The following ETF1 variants were observed in gnomAD, a reference collection of about 807,000 sequenced individuals.
ETF1 encodes eukaryotic peptide chain release factor subunit 1.
A neutral mutation model predicts 55.1 loss-of-function variants in ETF1; 4 were observed. The observed-to-expected ratio is 0.07, with a 90% CI of 0.04 to 0.17. The LOEUF (loss-of-function observed/expected upper bound fraction) is 0.17. Ranked by LOEUF, ETF1 falls within the 10% of genes least tolerant of loss-of-function variation. The pLI is 1.00. For missense variants in ETF1, 142 were observed against 523.6 expected, an observed-to-expected ratio of 0.27 and a Z score of 7.11; for synonymous variants, 157 against 182.3, an observed-to-expected ratio of 0.86 and a Z score of 1.12.
chr5:138,511,001 C>G, intron 8 of ETF1, 44 bp downstream of exon 8: 1 of 1,596,476 alleles, frequency 6.3e-7, no homozygotes, highest in Non-Finnish European at 8.5e-7. Flanking sequence ...CCCAGGCTTC[C>G]TGGCTCAGTA....
intron 5 of ETF1, chr5:138,513,245 T>C (rs1473369925): frequency 1.0e-6 from 1 of 980,060 alleles, no homozygotes; most frequent in East Asian, 1.1e-4. Flanking sequence ...CTCTCTCTCT[T>C]TTTTGAGACA....
intron 9 of ETF1, 31 bp from the exon 10 acceptor site, chr5:138,508,847 G>A (rs892922347): frequency 4.4e-6 from 7 of 1,607,468 alleles, no homozygotes; most frequent in South Asian, 1.1e-5. Flanking sequence ...TACAAAAATG[G>A]GGGATTAGGA....
At position 138,511,462 on chromosome 5, in the gene ETF1, A is replaced by G; in HGVS notation, c.862+13T>C. 6.2e-7 allele frequency: 1 copy of G among 1,612,972 alleles called. No individual in the cohort carries two copies. The highest frequency in any genetic ancestry group is 1.1e-5 in the South Asian group (1 of 90,980). On this transcript the variant is annotated intron_variant, in intron 7 of 10. Coordinates refer to ENST00000360541, the MANE Select transcript of ETF1 (RefSeq NM_004730.4). ...AACATTTCACAGAATAAGTAGTTGC[A>G]TTTCACCGATACCTATTAATTTCTT...
chr5:138,525,210 T>G (rs909111096), intron 2 of ETF1, among the ~76,000 whole-genome samples: 7 of 151,398 alleles, frequency 4.6e-5, no homozygotes, highest in African/African-American at 1.7e-4. Flanking sequence ...CGGGCTGGAG[T>G]GCAGTGGGGC....
intron 2 of ETF1, among the ~76,000 whole-genome samples, chr5:138,525,359 T>A (rs1053938390): frequency 4.0e-5 from 6 of 151,882 alleles, no homozygotes; most frequent in African/African-American, 1.5e-4. Context: ...GGTTTCACTA[T>A]GTTGGCCAGG....
At chr5:138,527,639 G>A (rs1765529053) in intron 2 of ETF1, among the ~76,000 whole-genome samples, 1 of 152,178 alleles carries the variant, frequency 6.6e-6, no homozygotes, top group African/African-American at 2.4e-5. Flanking sequence ...TGACACAGGG[G>A]TCCACTCATG....
intron 4 of ETF1, among the ~76,000 whole-genome samples, chr5:138,515,685 A>G (rs1764988211): frequency 1.3e-5 from 2 of 152,228 alleles, no homozygotes; most frequent in Non-Finnish European, 2.9e-5. Flanking sequence ...AAAGCCAACA[A>G]GGCTAACTCA....
chr5:138,528,915 G>C (rs971362963), intron 2 of ETF1, among the ~76,000 whole-genome samples: 1 of 152,074 alleles, frequency 6.6e-6, no homozygotes, highest in East Asian at 1.9e-4. Flanking sequence ...GGGAAGCCGA[G>C]ACAGGTGGAT....
chr5:138,542,282 C>G (rs181673331), intron 2 of ETF1, among the ~76,000 whole-genome samples: 4 of 152,288 alleles, frequency 2.6e-5, no homozygotes, highest in Admixed American at 2.6e-4. Flanking sequence ...GAGAAGTCAT[C>G]TTGGGACAGG....
At chr5:138,524,004 TC>T (rs887539783) in intron 2 of ETF1, among the ~76,000 whole-genome samples, 1 of 152,024 alleles carries the variant, frequency 6.6e-6, no homozygotes, top group African/African-American at 2.4e-5. Flanking sequence ...TGGTGAAACC[TC>T]ACCTCTACTA....
At chr5:138,522,403 G>A (rs1002495126) in intron 2 of ETF1, among the ~76,000 whole-genome samples, 8 of 152,092 alleles carry the variant, frequency 5.3e-5, no homozygotes, top group Admixed American at 5.2e-4. Context: ...ATGCTGTTGG[G>A]AATGTTAAGT....
chr5:138,542,940 G>C lies in ETF1; in HGVS notation c.-18-4C>G, dbSNP rs750592598. The C allele has an allele frequency of 1.9e-6, 3 of 1,612,876 alleles. No homozygotes were observed. Among genetic ancestry groups the C allele is most frequent in the South Asian group, 2.2e-5 (2 of 91,012 alleles). ...CCATCTTCTCGCCTCCTCCTCCCTA[G>C]AGCGGCCCGGCGGGGCCCGGAGACA... On this transcript the variant is annotated splice_region_variant and splice_polypyrimidine_tract_variant and intron_variant, in intron 1 of 10. Coordinates refer to ENST00000360541, the MANE Select transcript of ETF1 (RefSeq NM_004730.4).
At chr5:138,524,921 TC>T (rs1459729776) in intron 2 of ETF1, among the ~76,000 whole-genome samples, 1 of 151,884 alleles carries the variant, frequency 6.6e-6, no homozygotes, top group African/African-American at 2.4e-5. Context: ...CCTTTTTTTT[TC>T]TTTTTTACAT....
chr5:138,518,932 T>C, intron 2 of ETF1, 65 bp from the exon 3 acceptor site: 1 of 1,587,940 alleles, frequency 6.3e-7, no homozygotes, highest in Non-Finnish European at 8.6e-7. Flanking sequence ...TGTTTCTCTC[T>C]GGTAAAAGCA....
At chr5:138,529,472 A>G in intron 2 of ETF1, 6 of 399,438 alleles carry the variant, frequency 1.5e-5, no homozygotes, top group Non-Finnish European at 2.0e-5. Context: ...CCTCTTCCGA[A>G]ATCAAAGAAC....
chr5:138,511,699 T>G, intron 6 of ETF1, 95 bp from the exon 7 acceptor site: 1 of 1,440,824 alleles, frequency 6.9e-7, no homozygotes, highest in East Asian at 2.5e-5. Flanking sequence ...CTTAATGGTA[T>G]GCAAAGCTCA....
intron 2 of ETF1, among the ~76,000 whole-genome samples, chr5:138,529,175 C>CAAACAAAA (rs1765595389): frequency 6.6e-6 from 1 of 151,028 alleles, no homozygotes; most frequent in East Asian, 1.9e-4. Context: ...AACAAACAAA[C>CAAACAAAA]AAACAAAAAA....
At chr5:138,542,521 G>C in intron 2 of ETF1, 3 of 875,128 alleles carry the variant, frequency 3.4e-6, no homozygotes, top group South Asian at 4.3e-5. Flanking sequence ...GGCAGCACCT[G>C]GAGCCCGAAG....
At chr5:138,515,445 G>GAAA (rs1292893667) in intron 4 of ETF1, among the ~76,000 whole-genome samples, 20 of 151,918 alleles carry the variant, frequency 1.3e-4, no homozygotes, top group African/African-American at 4.3e-4. Context: ...AAAAGAAAAA[G>GAAA]AAAAAAGACA....
Sources: gnomAD v4.1 joint callset for allele counts (sites outside exome capture counted in the v4.1 genomes callset) on GRCh38, gnomAD v4.1.1 for gene constraint, MANE v1.5 for transcripts, NCBI Gene and HGNC (gene_info 2026-07-23, HGNC 2026-07-21) for gene names.